DCDC1: variants seen among roughly 807,000 people sequenced by gnomAD.
DCDC1 encodes the protein doublecortin domain-containing protein 1.
In DCDC1, 200 loss-of-function variants were observed where a neutral mutation model predicts 178.3. The ratio of observed to expected loss-of-function variants is 1.12; its 90% CI spans 1.00 to 1.26. The LOEUF (loss-of-function observed/expected upper bound fraction) is 1.26. DCDC1 is among the 50% of genes most tolerant of loss of function. DCDC1 has a pLI of 0.00. For synonymous variants in DCDC1, 690 were observed against 604.8 expected (o/e 1.14, Z -2.07); for missense variants, 1,983 against 1,749.2 (o/e 1.13, Z -2.38).
chr11:31,274,602 A>G (rs1211673663), intron 7 of DCDC1, among the ~76,000 whole-genome samples: 2 of 151,072 alleles, frequency 1.3e-5, no homozygotes, highest in African/African-American at 2.4e-5. Flanking sequence ...AAAGGTCAGC[A>G]TATGAAAGGG....
rs11031247 is a variant in DCDC1, at chr11:30,927,105, T to C, written c.2898-1697A>G. ...GAAGCTATGGTCATGTGCTTTCTCC[T>C]TTTCTTTATCTTCTTGCTTTGGATT... On this transcript the variant is annotated intron_variant, in intron 22 of 38. Coordinates refer to ENST00000684477, the MANE Select transcript of DCDC1 (RefSeq NM_001387274.1). Among the ~76,000 whole-genome samples, 1,404 of 152,248 alleles carry C rather than the reference T, an allele frequency of 9.2e-3. 22 individuals are homozygous for C. Among genetic ancestry groups the C allele is most frequent in the African/African-American group, 0.032 (1,327 of 41,550 alleles).
intron 20 of DCDC1, among the ~76,000 whole-genome samples, chr11:31,037,461 C>A (rs1237858065): frequency 7.0e-6 from 1 of 143,096 alleles, no homozygotes; most frequent in Non-Finnish European, 1.5e-5. Flanking sequence ...GAGAAGGAGT[C>A]TCGCTCTGTC....
chr11:31,233,255 T>C (rs1441423030), intron 9 of DCDC1, among the ~76,000 whole-genome samples: 1 of 152,178 alleles, frequency 6.6e-6, no homozygotes, highest in Non-Finnish European at 1.5e-5. Flanking sequence ...TCTTTTAAGT[T>C]CCCATAATAC....
At chr11:31,273,633 C>G (rs1945748471) in intron 7 of DCDC1, among the ~76,000 whole-genome samples, 1 of 152,194 alleles carries the variant, frequency 6.6e-6, no homozygotes, top group Non-Finnish European at 1.5e-5. Flanking sequence ...CTTTTGAGCT[C>G]TCCAAACTGT....
intron 3 of DCDC1, among the ~76,000 whole-genome samples, chr11:31,327,117 G>A (rs1436829143): frequency 6.6e-6 from 1 of 151,954 alleles, no homozygotes; most frequent in Non-Finnish European, 1.5e-5. Context: ...TTCCTCATAG[G>A]TAAAACAAAG....
chr11:31,111,582 A>G (rs1039752545), intron 11 of DCDC1, among the ~76,000 whole-genome samples: 4 of 152,136 alleles, frequency 2.6e-5, no homozygotes, highest in Non-Finnish European at 5.9e-5. Context: ...ATTCTGAGTA[A>G]AAAAAATCTC....
chr11:30,946,113 A>G (rs912622130), intron 21 of DCDC1, among the ~76,000 whole-genome samples: 1 of 152,174 alleles, frequency 6.6e-6, no homozygotes, highest in Admixed American at 6.5e-5. Flanking sequence ...CCATTGGGAA[A>G]GAGGTCCACA....
chr11:31,047,236 G>A (rs1451563238), intron 20 of DCDC1, among the ~76,000 whole-genome samples: 2 of 151,976 alleles, frequency 1.3e-5, no homozygotes, highest in Admixed American at 6.6e-5. Flanking sequence ...TACAAATTAA[G>A]GTTCACACTG....
At chr11:30,878,739 G>A (rs1216805066) in intron 37 of DCDC1, 28 bp from the exon 38 acceptor site, 1 of 1,515,602 alleles carries the variant, frequency 6.6e-7, no homozygotes, top group Non-Finnish European at 8.9e-7. Flanking sequence ...AAAAGAAGTT[G>A]AGAGACAAGT....
intron 10 of DCDC1, among the ~76,000 whole-genome samples, chr11:31,133,129 C>A (rs1265835763): frequency 6.6e-6 from 1 of 152,172 alleles, no homozygotes. Flanking sequence ...CTGAGCCATA[C>A]ATTGTGAATA....
intron 38 of DCDC1, among the ~76,000 whole-genome samples, chr11:30,870,535 G>T (rs1490188065): frequency 1.3e-5 from 2 of 152,162 alleles, no homozygotes; most frequent in Non-Finnish European, 2.9e-5. Context: ...CTATCAAAAT[G>T]ACTACATTAA....
chr11:31,195,504 G>A (rs750592762), intron 9 of DCDC1, among the ~76,000 whole-genome samples: 1 of 151,944 alleles, frequency 6.6e-6, no homozygotes, highest in Non-Finnish European at 1.5e-5. Context: ...GAAGTTGTAC[G>A]GAGAGATATA....
intron 9 of DCDC1, among the ~76,000 whole-genome samples, chr11:31,142,675 T>C (rs1194167714): frequency 1.3e-5 from 2 of 152,162 alleles, no homozygotes; most frequent in African/African-American, 4.8e-5. Context: ...AATTTAAATG[T>C]TTTTTAAATT....
intron 32 of DCDC1, among the ~76,000 whole-genome samples, chr11:30,901,975 T>G (rs1304099571): frequency 1.3e-5 from 2 of 152,156 alleles, no homozygotes; most frequent in Non-Finnish European, 2.9e-5. Flanking sequence ...AATACACAAA[T>G]GACTATTATT....
chr11:31,102,928 C>G (rs1958601525), intron 14 of DCDC1, among the ~76,000 whole-genome samples: 1 of 152,108 alleles, frequency 6.6e-6, no homozygotes, highest in South Asian at 2.1e-4. Context: ...TACCATGTAC[C>G]AGCTGTGTGA....
At chr11:31,092,288 G>A (rs1957865352) in intron 16 of DCDC1, among the ~76,000 whole-genome samples, 1 of 152,170 alleles carries the variant, frequency 6.6e-6, no homozygotes, top group African/African-American at 2.4e-5. Context: ...GAAACATGAT[G>A]ATGACTGATG....
chr11:31,332,154 A>C (rs144930657), intron 2 of DCDC1, among the ~76,000 whole-genome samples: 10,081 of 152,214 alleles, frequency 0.066, 907 homozygotes, highest in African/African-American at 0.19. Context: ...TAGATTTTCT[A>C]GTTTATTTGC....
At chr11:31,044,871 A>AC (rs1191755000) in intron 20 of DCDC1, among the ~76,000 whole-genome samples, 2 of 152,196 alleles carry the variant, frequency 1.3e-5, no homozygotes, top group Non-Finnish European at 2.9e-5. Context: ...GTACCTTGTT[A>AC]CCCAGCAATG....
intron 22 of DCDC1, among the ~76,000 whole-genome samples, chr11:30,928,164 T>C (rs1352282449): frequency 6.6e-6 from 1 of 152,098 alleles, no homozygotes; most frequent in African/African-American, 2.4e-5. Context: ...GAGCTGATTG[T>C]TAAAAAGATG....
Sources: gnomAD v4.1 joint callset for allele counts (sites outside exome capture counted in the v4.1 genomes callset) on GRCh38, gnomAD v4.1.1 for gene constraint, MANE v1.5 for transcripts, NCBI Gene and HGNC (gene_info 2026-07-23, HGNC 2026-07-21) for gene names.